C7orf33: variants seen among roughly 807,000 people sequenced by gnomAD.
C7orf33 encodes the protein chromosome 7 open reading frame 33.
Under a neutral mutation model 13.4 loss-of-function variants are expected in C7orf33, and 15 were observed. The observed-to-expected ratio is 1.12, with a 90% confidence interval of 0.75 to 1.72. The LOEUF is 1.72. Ranked by LOEUF, C7orf33 falls within the 40% of genes most tolerant of loss-of-function variation. C7orf33 has a pLI of 0.00. For missense variants in C7orf33, 187 were observed against 220.3 expected, an observed-to-expected ratio of 0.85 and a Z score of 0.96; for synonymous variants, 73 against 83.2, an observed-to-expected ratio of 0.88 and a Z score of 0.67.
intron 1 of C7orf33, among the ~76,000 whole-genome samples, chr7:148,597,292 A>AT (rs959298798): frequency 6.6e-6 from 1 of 151,794 alleles, no homozygotes; most frequent in Non-Finnish European, 1.5e-5. Flanking sequence ...ATTTTTATTT[A>AT]TTTTTTTGAG....
At chr7:148,613,222 T>G (rs1796565029) in intron 1 of C7orf33, among the ~76,000 whole-genome samples, 1 of 152,238 alleles carries the variant, frequency 6.6e-6, no homozygotes, top group African/African-American at 2.4e-5. Flanking sequence ...TCTTTTTAGC[T>G]TCCACATATA....
intron 1 of C7orf33, among the ~76,000 whole-genome samples, chr7:148,595,250 T>C (rs1346139822): frequency 2.1e-5 from 3 of 144,292 alleles, no homozygotes; most frequent in Admixed American, 7.2e-5. Flanking sequence ...TATAGATATA[T>C]ATCATGTATA....
chr7:148,602,119 A>G (rs1246653580), intron 1 of C7orf33, among the ~76,000 whole-genome samples: 6 of 152,176 alleles, frequency 3.9e-5, no homozygotes, highest in African/African-American at 1.4e-4. Context: ...TCTCTTTGTC[A>G]GTTTATCTAA....
chr7:148,596,004 A>T (rs1796334869), intron 1 of C7orf33, among the ~76,000 whole-genome samples: 1 of 152,006 alleles, frequency 6.6e-6, no homozygotes, highest in Admixed American at 6.6e-5. Flanking sequence ...GTGTGCAATT[A>T]AATTTTTTTT....
chr7:148,602,307 AG>A (rs1796424927), intron 1 of C7orf33, among the ~76,000 whole-genome samples: 1 of 152,086 alleles, frequency 6.6e-6, no homozygotes, highest in African/African-American at 2.4e-5. Context: ...GATAATAATA[AG>A]TTAAGGGTGG....
intron 1 of C7orf33, among the ~76,000 whole-genome samples, chr7:148,594,891 C>T (rs935057161): frequency 2.7e-5 from 4 of 149,796 alleles, no homozygotes; most frequent in Non-Finnish European, 4.4e-5. Flanking sequence ...ACAGCAAGTA[C>T]AGCCTGCAGC....
intron 1 of C7orf33, among the ~76,000 whole-genome samples, chr7:148,613,122 A>T (rs1404337443): frequency 6.6e-6 from 1 of 152,158 alleles, no homozygotes; most frequent in East Asian, 1.9e-4. Context: ...CGTATCCATT[A>T]ACCAGCCTCT....
intron 1 of C7orf33, among the ~76,000 whole-genome samples, chr7:148,603,161 G>C (rs765281398): frequency 9.2e-5 from 14 of 152,296 alleles, no homozygotes; most frequent in African/African-American, 1.7e-4. Flanking sequence ...GAAATGAGGA[G>C]AGGAAAGCCA....
At chr7:148,615,289 A>G in intron 2 of C7orf33, 38 bp from the exon 3 acceptor site, 1 of 1,364,306 alleles carries the variant, frequency 7.3e-7, no homozygotes, top group Non-Finnish European at 1.0e-6. Flanking sequence ...AAGGTAAATC[A>G]TCCTGAGATA....
intron 1 of C7orf33, among the ~76,000 whole-genome samples, chr7:148,601,093 C>T (rs542005533): frequency 7.2e-5 from 11 of 152,002 alleles, no homozygotes; most frequent in South Asian, 2.1e-4. Context: ...TGAGCCACCG[C>T]GCCCGGCCTT....
intron 1 of C7orf33, among the ~76,000 whole-genome samples, chr7:148,613,006 C>G (rs188124012): frequency 1.9e-3 from 292 of 152,100 alleles, no homozygotes; most frequent in African/African-American, 6.8e-3. Context: ...CATTCAAAAC[C>G]CTCTCTTCTA....
chr7:148,599,423 C>T (rs962251758), intron 1 of C7orf33, among the ~76,000 whole-genome samples: 1 of 150,338 alleles, frequency 6.7e-6, no homozygotes, highest in Admixed American at 6.6e-5. Context: ...GACAAAAATG[C>T]TTTTATAACA....
intron 1 of C7orf33, among the ~76,000 whole-genome samples, chr7:148,613,712 T>A (rs1025472259): frequency 6.6e-6 from 1 of 152,196 alleles, no homozygotes; most frequent in African/African-American, 2.4e-5. Flanking sequence ...TGGGGGATGA[T>A]GAAAAAGTTC....
chr7:148,615,547 G>T lies in C7orf33; in HGVS notation c.*146G>T. The T allele has an allele frequency of 1.8e-6, 1 of 563,250 alleles. No homozygotes were observed. 34.9% of individuals were successfully genotyped at this position (563,250 alleles called of 1,614,324 possible). On this transcript the variant is annotated 3_prime_UTR_variant, in exon 3 of 3. Transcript: ENST00000307003. ...TCTGAAGTCTGAACTTTGAACACCA[G>T]CAGACAGGCTGAGAATTCTCTTTGA...
chr7:148,613,391 T>C (rs1406483125), intron 1 of C7orf33, among the ~76,000 whole-genome samples: 1 of 152,200 alleles, frequency 6.6e-6, no homozygotes, highest in Non-Finnish European at 1.5e-5. Context: ...TTATTCATAA[T>C]ACTCAAAAAA....
intron 1 of C7orf33, among the ~76,000 whole-genome samples, chr7:148,597,653 G>GC (rs1397977157): frequency 6.6e-6 from 1 of 152,090 alleles, no homozygotes; most frequent in Non-Finnish European, 1.5e-5. Context: ...CAGCATACTA[G>GC]CCCCATCCTT....
At chr7:148,608,687 T>C (rs1796503491) in intron 1 of C7orf33, among the ~76,000 whole-genome samples, 2 of 150,614 alleles carry the variant, frequency 1.3e-5, no homozygotes, top group Admixed American at 6.6e-5. Flanking sequence ...TGGTGGCGCA[T>C]GCCTGTAGTC....
At chr7:148,595,585 C>A (rs13236235) in intron 1 of C7orf33, among the ~76,000 whole-genome samples, 3 of 124,746 alleles carry the variant, frequency 2.4e-5, no homozygotes, top group African/African-American at 3.1e-5. Flanking sequence ...TAATATAGAT[C>A]TATATTATAT....
At chr7:148,606,147 G>A (rs924405423) in intron 1 of C7orf33, among the ~76,000 whole-genome samples, 1 of 152,162 alleles carries the variant, frequency 6.6e-6, no homozygotes, top group Non-Finnish European at 1.5e-5. Flanking sequence ...GATAAGGCTC[G>A]CTCTGCAGAT....
Sources: gnomAD v4.1 joint callset for allele counts (sites outside exome capture counted in the v4.1 genomes callset) on GRCh38, gnomAD v4.1.1 for gene constraint, MANE v1.5 for transcripts, NCBI Gene and HGNC (gene_info 2026-07-23, HGNC 2026-07-21) for gene names.